ASCC3: variants seen among roughly 807,000 people sequenced by gnomAD.
The protein encoded by ASCC3 is ASC-1 complex subunit P200.
A neutral mutation model predicts 256.3 loss-of-function variants in ASCC3; 158 were observed. The observed-to-expected ratio is 0.62, with a 90% confidence interval of 0.54 to 0.70. The LOEUF (loss-of-function observed/expected upper bound fraction) is 0.70, where lower values mean the gene tolerates loss of function less well. ASCC3 is among the 30% of genes least tolerant of loss of function. The probability of loss-of-function intolerance (pLI) is 0.00; values close to 1 mark genes in which losing one functional copy is unlikely to be tolerated. For synonymous variants in ASCC3, 948 were observed against 883.4 expected (o/e 1.07, Z -1.30); for missense variants, 2,259 against 2,626.0 (o/e 0.86, Z 3.05).
At chr6:100,817,680 G>T (rs1281937900) in intron 4 of ASCC3, among the ~76,000 whole-genome samples, 1 of 151,906 alleles carries the variant, frequency 6.6e-6, no homozygotes, top group East Asian at 1.9e-4. Context: ...TTAGATGAAA[G>T]GGAAAAACTC....
At chr6:100,685,989 ATC>A (rs1582695260) in intron 13 of ASCC3, among the ~76,000 whole-genome samples, 1 of 152,330 alleles carries the variant, frequency 6.6e-6, no homozygotes, top group East Asian at 1.9e-4. Context: ...ATATTTAGTT[ATC>A]TGACTTCTCA....
rs952304958 is a variant in ASCC3 at position 100,655,573 on chromosome 6, CTCT to C, written c.2823+123_2823+125del. Reference sequence around the variant, plus strand: ...TCTAATTTTTTGAAAAATATTAAATCTCTTGTTTTTCTTCTAGGTACCTCTTTT... The same window carrying C: ...TCTAATTTTTTGAAAAATATTAAATCTGTTTTTCTTCTAGGTACCTCTTTT... On this transcript the variant is annotated intron_variant, in intron 17 of 41. Coordinates refer to ENST00000369162, the MANE Select transcript of ASCC3 (RefSeq NM_006828.4). The C allele has an allele frequency of 3.7e-6, 4 of 1,091,494 alleles. No individual in the cohort carries two copies. The African/African-American group carries it at 6.4e-5, about 17-fold the overall frequency. The allele number at this position is 1,091,494 out of a possible 1,614,324, so 67.6% of individuals were successfully genotyped here. A position where few individuals can be genotyped will look rare whatever the true frequency, so the allele number is the denominator to read the frequency against.
intron 3 of ASCC3, chr6:100,859,241 T>C (rs754084502): frequency 9.0e-5 from 70 of 779,136 alleles, no homozygotes; most frequent in Non-Finnish European, 1.4e-4. Flanking sequence ...TCACATTTTC[T>C]GGGTTAATTT....
intron 37 of ASCC3, among the ~76,000 whole-genome samples, chr6:100,536,282 G>T (rs1277689670): frequency 6.6e-6 from 1 of 152,166 alleles, no homozygotes; most frequent in Middle Eastern, 3.2e-3. Flanking sequence ...GGAAGACTAA[G>T]TGAACCCTTT....
At chr6:100,725,925 T>C (rs1414498706) in intron 10 of ASCC3, among the ~76,000 whole-genome samples, 1 of 151,696 alleles carries the variant, frequency 6.6e-6, no homozygotes, top group Non-Finnish European at 1.5e-5. Context: ...TGAAGGTAAT[T>C]TGCCAGTGAA....
intron 23 of ASCC3, among the ~76,000 whole-genome samples, chr6:100,643,123 C>T (rs115193380): frequency 0.012 from 1,896 of 152,030 alleles, 47 homozygotes; most frequent in African/African-American, 0.043. Flanking sequence ...CTATCAGTAC[C>T]TAAAATGGAA....
At chr6:100,869,965 T>A (rs923668428) in intron 1 of ASCC3, among the ~76,000 whole-genome samples, 3 of 152,128 alleles carry the variant, frequency 2.0e-5, no homozygotes, top group African/African-American at 7.2e-5. Flanking sequence ...GACTTAAAAG[T>A]TCTGAATTTG....
At chr6:100,785,132 G>C (rs1041359497) in intron 8 of ASCC3, among the ~76,000 whole-genome samples, 9 of 152,026 alleles carry the variant, frequency 5.9e-5, no homozygotes, top group African/African-American at 2.2e-4. Context: ...AATATATTTT[G>C]AATCAGATGA....
chr6:100,625,382 A>T (rs2114853958), intron 29 of ASCC3, 48 bp from the exon 30 acceptor site: 1 of 1,595,168 alleles, frequency 6.3e-7, no homozygotes, highest in South Asian at 1.1e-5. Context: ...TTAACCCCAG[A>T]ATATGAATTT....
At position 100,589,998 on chromosome 6, in the gene ASCC3, C is replaced by T. The variant is rs1224805509; in HGVS notation, c.5365G>A (p.Glu1789Lys). 1.9e-6 allele frequency: 3 copies of T among 1,613,546 alleles called. No homozygotes were observed. The African/African-American group carries it at 4.0e-5, about 22-fold the overall frequency. The change falls in exon 35 of 42, where the codon GAG becomes AAG. Residue 1789 changes from glutamate (E) to lysine (K), a missense_variant. This residue lies in a region of ASCC3 where 1,839 missense variants were observed against 2,206.7 expected (regional missense o/e 0.83). Transcript: ENST00000369162. ...AGTTCCAATTCAATCAGGGACTTCTCAATCAGATGGGACAGAAACTTGTTC... is the reference window on the plus strand; with the variant it reads ...AGTTCCAATTCAATCAGGGACTTCTTAATCAGATGGGACAGAAACTTGTTC... ...SVNKFLSHLI[E>K]KSLIELELSY...
At chr6:100,618,004 T>G (rs1773755892) in intron 30 of ASCC3, among the ~76,000 whole-genome samples, 3 of 152,240 alleles carry the variant, frequency 2.0e-5, no homozygotes, top group Non-Finnish European at 4.4e-5. Context: ...AAATCTCCAC[T>G]TGAAAGTCTT....
At chr6:100,861,247 AC>A (rs1441597359) in intron 3 of ASCC3, among the ~76,000 whole-genome samples, 2 of 152,148 alleles carry the variant, frequency 1.3e-5, no homozygotes, top group African/African-American at 4.8e-5. Context: ...CACAGGATTC[AC>A]TTAACTTTAA....
At chr6:100,809,048 G>T (rs1006827477) in intron 4 of ASCC3, among the ~76,000 whole-genome samples, 1 of 151,928 alleles carries the variant, frequency 6.6e-6, no homozygotes, top group Non-Finnish European at 1.5e-5. Context: ...GAGCCTGCAG[G>T]ATTGGAAATT....
chr6:100,534,466 C>T (rs1226894331), intron 37 of ASCC3, among the ~76,000 whole-genome samples: 1 of 152,150 alleles, frequency 6.6e-6, no homozygotes, highest in Non-Finnish European at 1.5e-5. Flanking sequence ...TACAGAAAGG[C>T]TGTCATATCA....
intron 36 of ASCC3, among the ~76,000 whole-genome samples, chr6:100,550,693 G>C (rs1222109366): frequency 1.3e-5 from 2 of 151,728 alleles, no homozygotes; most frequent in Non-Finnish European, 3.0e-5. Context: ...CCCTATGTTA[G>C]AATTTCAACT....
At chr6:100,770,666 T>C (rs1781872019) in intron 8 of ASCC3, among the ~76,000 whole-genome samples, 1 of 151,958 alleles carries the variant, frequency 6.6e-6, no homozygotes, top group Admixed American at 6.5e-5. Flanking sequence ...GATCAACAAC[T>C]AAAAAATTAC....
At chr6:100,836,423 T>C (rs1226809200) in intron 4 of ASCC3, among the ~76,000 whole-genome samples, 1 of 152,124 alleles carries the variant, frequency 6.6e-6, no homozygotes, top group Non-Finnish European at 1.5e-5. Flanking sequence ...ACATTCCTTC[T>C]AATTTGTTGA....
At chr6:100,606,928 G>A (rs977900921) in intron 31 of ASCC3, 23 bp downstream of exon 31, 1 of 1,612,346 alleles carries the variant, frequency 6.2e-7, no homozygotes, top group African/African-American at 1.3e-5. Flanking sequence ...TTAAATATGT[G>A]TTCACTGGAG....
At position 100,509,882 on chromosome 6, in the gene ASCC3, C is replaced by T. The variant is rs558748507; in HGVS notation, c.6461+50G>A. 80 of 1,522,494 alleles carry T rather than the reference C, an allele frequency of 5.3e-5. 1 individual carries two copies. The highest frequency in any genetic ancestry group is 3.4e-4 in the South Asian group (30 of 87,988). 94.3% of individuals were successfully genotyped at this position (1,522,494 alleles called of 1,614,324 possible). A position where few individuals can be genotyped will look rare whatever the true frequency, so the allele number is the denominator to read the frequency against. On this transcript the variant is annotated intron_variant, in intron 41 of 41. Coordinates refer to ENST00000369162, the MANE Select transcript of ASCC3 (RefSeq NM_006828.4). ...CAGCCTGGGCGACAGAGCGAGACTC[C>T]GCCTCAAAAAAAAAAAAAAAGAGAA... is the stretch of plus-strand genomic sequence containing the variant.
Sources: gnomAD v4.1 joint callset for allele counts (sites outside exome capture counted in the v4.1 genomes callset) on GRCh38, gnomAD v4.1.1 for gene constraint, gnomAD v4.1.1 regional missense constraint, MANE v1.5 for transcripts, NCBI Gene and HGNC (gene_info 2026-07-23, HGNC 2026-07-21) for gene names.